SELENOO: variants seen among roughly 807,000 people sequenced by gnomAD.
The protein encoded by SELENOO is protein adenylyltransferase SelO, mitochondrial.
In SELENOO, 74 loss-of-function variants were observed where a neutral mutation model predicts 58.7. That is an observed-to-expected ratio of 1.26 (90% CI 1.04 to 1.53). The LOEUF is 1.53. Among genes scored for constraint, SELENOO ranks in the 40% most tolerant of loss-of-function variants. The pLI is 0.00. For missense variants in SELENOO, 1,149 were observed against 970.0 expected (o/e 1.18, Z -2.45); for synonymous variants, 543 against 453.2 (o/e 1.20, Z -2.52).
intron 8 of SELENOO, 32 bp downstream of exon 8, chr22:50,217,160 G>A: frequency 1.2e-6 from 2 of 1,611,114 alleles, no homozygotes; most frequent in Non-Finnish European, 1.7e-6. Flanking sequence ...TGGTCCCTGG[G>A]AGGGGGGTCG....
rs759726970 is a variant in SELENOO at position 50,216,918 on chromosome 22, G to T, written c.1688+42G>T. Reference sequence around the variant, plus strand: ...TGGTCACCGGGGGACGGCGGGTCGCGTGCTGGAAAAAGTCCAGCCCGGCTG... The same window carrying T: ...TGGTCACCGGGGGACGGCGGGTCGCTTGCTGGAAAAAGTCCAGCCCGGCTG... On this transcript the variant is annotated intron_variant, in intron 7 of 8. Coordinates refer to ENST00000380903, the MANE Select transcript of SELENOO (RefSeq NM_031454.2). The T allele has an allele frequency of 5.0e-6, 8 of 1,602,082 alleles. No homozygotes were observed. In the Admixed American group the frequency reaches 1.0e-4, roughly 20 times the overall value.
In SELENOO at chr22:50,215,760, A is replaced by G; in HGVS notation, c.1395A>G (p.Pro465=). Residue 465 remains proline (P), a synonymous_variant, in exon 6 of 9, where the codon CCA becomes CCG. Transcript: ENST00000380903. ...TNTFYLLSSF[P]VELESPGLAE... is the part of the protein sequence containing the mutation. ...CCTTCTACTTGCTGAGCTCCTTCCCAGTGGAGCTAGAGTCGCCAGGCCTGG... is the reference window on the plus strand; with the variant it reads ...CCTTCTACTTGCTGAGCTCCTTCCCGGTGGAGCTAGAGTCGCCAGGCCTGG... The G allele has an allele frequency of 1.2e-6, 2 of 1,610,600 alleles. No individual in the cohort carries two copies. The highest frequency in any genetic ancestry group is 1.1e-5 in the South Asian group (1 of 90,960).
At chr22:50,210,556 C>T (rs2064362115) in intron 4 of SELENOO, 75 bp from the exon 5 acceptor site, 3 of 1,596,750 alleles carry the variant, frequency 1.9e-6, no homozygotes, top group Non-Finnish European at 1.7e-6. Context: ...CCTGGGCCTC[C>T]CCTCCAGGGT....
intron 3 of SELENOO, among the ~76,000 whole-genome samples, chr22:50,209,012 C>T (rs1008935991): frequency 2.4e-4 from 36 of 152,276 alleles, no homozygotes; most frequent in African/African-American, 8.7e-4. Flanking sequence ...GTGGAAGGAC[C>T]ATGGGCTGGG....
chr22:50,206,669 G>A (rs558311385), intron 2 of SELENOO, 149 bp downstream of exon 2: 2 of 703,138 alleles, frequency 2.8e-6, no homozygotes, highest in South Asian at 1.9e-5. Flanking sequence ...GGCAGCCTCA[G>A]AAGCTGCCTG....
chr22:50,208,719 C>T lies in SELENOO; in HGVS notation c.939+3C>T, dbSNP rs751342086. ...GAAATGCTGCCTTCTTCCGGGAGGTCAGTGGGCCGCACGCCACCCCTCCCT... is the reference window on the plus strand; with the variant it reads ...GAAATGCTGCCTTCTTCCGGGAGGTTAGTGGGCCGCACGCCACCCCTCCCT... On this transcript the variant is annotated splice_donor_region_variant and intron_variant, in intron 3 of 8. Transcript: ENST00000380903. 1 of 1,610,224 alleles carries T rather than the reference C, an allele frequency of 6.2e-7. No individual in the cohort carries two copies. Among genetic ancestry groups the T allele is most frequent in the Non-Finnish European group, 8.5e-7 (1 of 1,178,454 alleles).
At chr22:50,204,358 G>A (rs1344734570) in intron 1 of SELENOO, among the ~76,000 whole-genome samples, 3 of 152,198 alleles carry the variant, frequency 2.0e-5, no homozygotes, top group Non-Finnish European at 4.4e-5. Context: ...CGGGCACAGT[G>A]GCTCACGCCT....
chr22:50,202,104 C>T (rs1402896111), intron 1 of SELENOO, among the ~76,000 whole-genome samples: 5 of 152,210 alleles, frequency 3.3e-5, no homozygotes, highest in African/African-American at 1.2e-4. Context: ...ACCGGGGAGC[C>T]GTGCACGCGC....
In SELENOO at chr22:50,210,784, G is replaced by A. The variant is rs374865784; in HGVS notation, c.1224G>A (p.Glu408=). Reference sequence around the variant, plus strand: ...AGCTGGGGGAGGCCATCCTGGCCGAGGAGTTTGACGCCGAGTTCCAAAGGC... The same window carrying A: ...AGCTGGGGGAGGCCATCCTGGCCGAAGAGTTTGACGCCGAGTTCCAAAGGC... The part of the protein sequence containing the change: ...PLELGEAILA[E]EFDAEFQRHY... The change falls in exon 5 of 9, where the codon GAG becomes GAA. Residue 408 remains glutamate (E), a synonymous_variant. Coordinates refer to ENST00000380903, the MANE Select transcript of SELENOO (RefSeq NM_031454.2). The A allele has an allele frequency of 1.4e-5, 23 of 1,613,836 alleles. No homozygotes were observed. Among genetic ancestry groups the A allele is most frequent in the Non-Finnish European group, 1.9e-5 (23 of 1,180,048 alleles).
At chr22:50,211,496 GT>G in intron 5 of SELENOO, among the ~76,000 whole-genome samples, 1 of 152,272 alleles carries the variant, frequency 6.6e-6, no homozygotes, top group South Asian at 2.1e-4. Context: ...AGTGTTCAGT[GT>G]TTCACCCATT....
chr22:50,216,619 A>G (rs1191278296), intron 6 of SELENOO, 72 bp from the exon 7 acceptor site: 5 of 1,393,544 alleles, frequency 3.6e-6, no homozygotes, highest in Non-Finnish European at 4.9e-6. Flanking sequence ...GGGCTGGGGC[A>G]GGCGGAGCAG....
chr22:50,217,308 G>T lies in SELENOO; in HGVS notation c.1949G>T (p.Arg650Leu). The T allele has an allele frequency of 1.2e-6, 2 of 1,612,766 alleles. No homozygotes were observed. Among genetic ancestry groups the T allele is most frequent in the Non-Finnish European group, 1.7e-6 (2 of 1,179,904 alleles). The change falls in exon 9 of 9, where the codon CGC becomes CTC. Residue 650 changes from arginine to leucine, a missense_variant. Arg to Leu is a moderately radical substitution (Grantham distance 102). Coordinates refer to ENST00000380903, the MANE Select transcript of SELENOO (RefSeq NM_031454.2). Reference sequence around the variant, plus strand: ...GCCGACGGGGCGGACGGCAGGCAGCGCTCCTACAGCAGTAAGCCCCCGCTC... The same window carrying T: ...GCCGACGGGGCGGACGGCAGGCAGCTCTCCTACAGCAGTAAGCCCCCGCTC... ...TEADGADGRQ[R>L]SYSSKPPLWA... is the part of the protein sequence containing the mutation.
At chr22:50,212,596 G>T (rs926299677) in intron 5 of SELENOO, among the ~76,000 whole-genome samples, 2 of 152,150 alleles carry the variant, frequency 1.3e-5, no homozygotes, top group African/African-American at 4.8e-5. Context: ...GTGTGAGCCG[G>T]TTACCAGCTC....
At chr22:50,204,549 C>A (rs1220460950) in intron 1 of SELENOO, among the ~76,000 whole-genome samples, 1 of 152,016 alleles carries the variant, frequency 6.6e-6, no homozygotes, top group Non-Finnish European at 1.5e-5. Context: ...ATCACTTGAA[C>A]CCAGGAGGCG....
At position 50,210,705 on chromosome 22, in the gene SELENOO, G is replaced by GC; in HGVS notation, c.1146dup (p.Arg383GlnfsTer29). ...GCGTACAGCAAGCAGCCCGAGGTGTGCAGGTGGAACCTGCGGAAGCTGGCC... is the reference window on the plus strand; with the variant it reads ...GCGTACAGCAAGCAGCCCGAGGTGTGCCAGGTGGAACCTGCGGAAGCTGGCC... On this transcript the variant is annotated frameshift_variant, in exon 5 of 9. Coordinates refer to ENST00000380903, the MANE Select transcript of SELENOO (RefSeq NM_031454.2). LOFTEE classifies it high-confidence loss of function. The GC allele has an allele frequency of 6.2e-7, 1 of 1,613,430 alleles. No homozygotes were observed. The highest frequency in any genetic ancestry group is 8.5e-7 in the Non-Finnish European group (1 of 1,180,014).
chr22:50,210,131 A>G, intron 3 of SELENOO, 50 bp from the exon 4 acceptor site: 4 of 1,584,270 alleles, frequency 2.5e-6, no homozygotes, highest in Non-Finnish European at 3.4e-6. Flanking sequence ...ACGAGTGGGG[A>G]GGTCTGGGCA....
chr22:50,215,929 A>G, intron 6 of SELENOO, 62 bp downstream of exon 6: 1 of 1,456,968 alleles, frequency 6.9e-7, no homozygotes, highest in South Asian at 1.2e-5. Flanking sequence ...AATCAGAAAC[A>G]GAGGCTGGGG....
intron 5 of SELENOO, among the ~76,000 whole-genome samples, chr22:50,213,578 T>C (rs535909390): frequency 1.3e-5 from 2 of 152,260 alleles, no homozygotes; most frequent in South Asian, 2.1e-4. Flanking sequence ...GTTCCGTGTA[T>C]GTGCCTGTTT....
rs780910280 is a variant in SELENOO, at chr22:50,215,948, A to G, written c.1502+81A>G. 2.6e-3 allele frequency: 3,415 copies of G among 1,334,640 alleles called. 16 individuals are homozygous for G. The highest frequency in any genetic ancestry group is 2.8e-3 in the Non-Finnish European group (2,697 of 967,944). 82.7% of individuals were successfully genotyped at this position (1,334,640 alleles called of 1,614,324 possible). ...AGAAACAGAGGCTGGGGGAGAAGCT[A>G]GAGACAGAGCTGGCTGGGGCCCAGG... On this transcript the variant is annotated intron_variant, in intron 6 of 8. Coordinates refer to ENST00000380903, the MANE Select transcript of SELENOO (RefSeq NM_031454.2).
Sources: gnomAD v4.1 joint callset for allele counts (sites outside exome capture counted in the v4.1 genomes callset) on GRCh38, gnomAD v4.1.1 for gene constraint, MANE v1.5 for transcripts, NCBI Gene and HGNC (gene_info 2026-07-23, HGNC 2026-07-21) for gene names.